Variants in PHIP observed in about 807,000 individuals in gnomAD.
The protein encoded by PHIP is PHIP subunit of CUL4-Ring ligase complex, also known as PH-interacting protein.
Under a neutral mutation model 236.8 loss-of-function variants are expected in PHIP, and 54 were observed. The observed-to-expected ratio is 0.23, with a 90% CI of 0.18 to 0.29. The LOEUF (loss-of-function observed/expected upper bound fraction) is 0.29, where lower values mean the gene tolerates loss of function less well. Among genes scored for constraint, PHIP ranks in the 10% least tolerant of loss-of-function variants. PHIP has a pLI of 1.00. For synonymous variants in PHIP, 756 were observed against 718.9 expected, an observed-to-expected ratio of 1.05 and a Z score of -0.83; for missense variants, 1,370 against 2,190.8, an observed-to-expected ratio of 0.63 and a Z score of 7.48.
At chr6:79,059,572 CAAA>C (rs1172916031) in intron 6 of PHIP, among the ~76,000 whole-genome samples, 1 of 99,010 alleles carries the variant, frequency 1.0e-5, no homozygotes, top group East Asian at 2.6e-4. Flanking sequence ...TAAAAGGAAA[CAAA>C]AAGTTGAAAG....
chr6:78,993,338 C>G (rs559649365), intron 19 of PHIP, among the ~76,000 whole-genome samples: 27 of 152,342 alleles, frequency 1.8e-4, no homozygotes, highest in Non-Finnish European at 3.7e-4. Flanking sequence ...TCACTGAAGA[C>G]AGTAGCTACA....
chr6:79,061,638 A>G (rs562990921), intron 4 of PHIP, among the ~76,000 whole-genome samples: 8 of 152,288 alleles, frequency 5.3e-5, no homozygotes, highest in African/African-American at 1.7e-4. Context: ...GTTTATTAGT[A>G]TTATTTAATA....
intron 24 of PHIP, among the ~76,000 whole-genome samples, chr6:78,975,451 T>C (rs1288383479): frequency 6.6e-6 from 1 of 152,202 alleles, no homozygotes; most frequent in Non-Finnish European, 1.5e-5. Flanking sequence ...GCATTCCCTT[T>C]GAAAACTGGC....
In PHIP at chr6:78,946,192, GTAGAGAA is replaced by G. The variant is rs1330989882; in HGVS notation, c.4432_4438del (p.Phe1478HisfsTer15). The stretch of plus-strand genomic sequence containing the variant: ...TCTTGGCGGTATTGATCGTGTAGGT[GTAGAGAA>G]TGCAGAGGTAGAGCTTTCTGATTTT... On this transcript the variant is annotated frameshift_variant, in exon 38 of 40. Coordinates refer to ENST00000275034, the MANE Select transcript of PHIP (RefSeq NM_017934.7). LOFTEE classifies it high-confidence loss of function. 6.2e-7 allele frequency: 1 copy of G among 1,613,124 alleles called. No homozygotes were observed. Among genetic ancestry groups the G allele is most frequent in the Non-Finnish European group, 8.5e-7 (1 of 1,179,190 alleles).
At chr6:79,044,202 T>G (rs979252181) in intron 6 of PHIP, among the ~76,000 whole-genome samples, 1 of 152,128 alleles carries the variant, frequency 6.6e-6, no homozygotes, top group Non-Finnish European at 1.5e-5. Flanking sequence ...TATGCTTATA[T>G]GTTCTTTCAT....
intron 9 of PHIP, among the ~76,000 whole-genome samples, chr6:79,024,934 T>C (rs1340964245): frequency 6.6e-6 from 1 of 152,228 alleles, no homozygotes; most frequent in East Asian, 1.9e-4. Flanking sequence ...ATTTAACCAT[T>C]TCAGTGCCCT....
intron 24 of PHIP, 120 bp downstream of exon 24, chr6:78,978,472 T>C (rs1768273827): frequency 7.8e-6 from 5 of 639,868 alleles, no homozygotes; most frequent in African/African-American, 1.8e-5. Context: ...TAGATACAAA[T>C]ATCTAGAATG....
At chr6:79,007,609 T>C (rs67073459) in intron 15 of PHIP, among the ~76,000 whole-genome samples, 15,963 of 151,298 alleles carry the variant, frequency 0.11, 876 homozygotes, top group Middle Eastern at 0.19. Flanking sequence ...ACCATCCTCT[T>C]CTAGAGTTAT....
At chr6:79,003,017 A>T (rs2095764110) in intron 16 of PHIP, among the ~76,000 whole-genome samples, 1 of 152,050 alleles carries the variant, frequency 6.6e-6, no homozygotes, top group Admixed American at 6.6e-5. Context: ...ATTATAAACT[A>T]CTCAATATTT....
chr6:78,986,378 CCAATAA>C (rs1388456592), intron 21 of PHIP, among the ~76,000 whole-genome samples: 1 of 152,170 alleles, frequency 6.6e-6, no homozygotes, highest in Non-Finnish European at 1.5e-5. Context: ...ACTTTATGCT[CCAATAA>C]CAATAACACC....
At chr6:79,009,261 A>G (rs1443019910) in intron 15 of PHIP, among the ~76,000 whole-genome samples, 3 of 152,116 alleles carry the variant, frequency 2.0e-5, no homozygotes, top group Non-Finnish European at 4.4e-5. Flanking sequence ...ATCTACTGCA[A>G]TCAAGCTTCC....
chr6:79,048,771 G>C (rs1052717802), intron 6 of PHIP, among the ~76,000 whole-genome samples: 1 of 152,096 alleles, frequency 6.6e-6, no homozygotes, highest in Admixed American at 6.6e-5. Flanking sequence ...AGAAATGGAG[G>C]ACCACAAAAA....
At position 78,940,555 on chromosome 6, in the gene PHIP, T is replaced by TTTTTTGTTTGTTTTG; in HGVS notation, c.*137_*138insCAAAACAAACAAAAA. The TTTTTTGTTTGTTTTG allele has an allele frequency of 5.7e-6, 1 of 176,842 alleles. No individual in the cohort carries two copies. The highest frequency in any genetic ancestry group is 2.3e-4 in the South Asian group (1 of 4,444). 11.0% of individuals were successfully genotyped at this position (176,842 alleles called of 1,614,324 possible). The stretch of plus-strand genomic sequence containing the variant: ...GAAGTGTCTCGTAAGTTTGTTTTTT[T>TTTTTTGTTTGTTTTG]TTTTTTTTTTTTTTTTGCAAATCAA... On this transcript the variant is annotated 3_prime_UTR_variant, in exon 40 of 40. Transcript: ENST00000275034.
At chr6:78,963,960 C>A (rs1766961248) in intron 29 of PHIP, among the ~76,000 whole-genome samples, 1 of 152,094 alleles carries the variant, frequency 6.6e-6, no homozygotes, top group South Asian at 2.1e-4. Context: ...AATAGAACAA[C>A]AACAGTAACC....
rs1582132397 is a variant in PHIP, at chr6:78,970,286, T to C, written c.2998-113A>G. 1.1e-5 allele frequency: 9 copies of C among 823,486 alleles called. 1 individual carries two copies. The highest frequency in any genetic ancestry group is 5.2e-5 in the South Asian group (3 of 57,988). 51.0% of individuals were successfully genotyped at this position (823,486 alleles called of 1,614,324 possible). A position where few individuals can be genotyped will look rare whatever the true frequency, so the allele number is the denominator to read the frequency against. On this transcript the variant is annotated intron_variant, in intron 25 of 39. Transcript: ENST00000275034. ...GTTTAAATCTTGATCTGGATGGTGA[T>C]GACTGTGTACATGTAAAAATTCACT...
chr6:78,958,678 C>T (rs1766580758), intron 31 of PHIP, 78 bp from the exon 32 acceptor site: 1 of 884,340 alleles, frequency 1.1e-6, no homozygotes, highest in Non-Finnish European at 1.8e-6. Flanking sequence ...CCAAGACATT[C>T]CAACTTTTCA....
At chr6:79,002,231 T>C (rs1770041621) in intron 16 of PHIP, 107 bp from the exon 17 acceptor site, 2 of 670,418 alleles carry the variant, frequency 3.0e-6, no homozygotes, top group Admixed American at 2.8e-5. Context: ...ATACGAATAA[T>C]GGTATTAAGC....
At chr6:78,955,073 G>T in intron 34 of PHIP, 110 bp from the exon 35 acceptor site, 1 of 919,238 alleles carries the variant, frequency 1.1e-6, no homozygotes. Context: ...TCAAACAAAA[G>T]AAAATATTCA....
rs1215480202 is a variant in PHIP at position 78,936,897 on chromosome 6, G to A, written c.*3796C>T. 6.6e-6 allele frequency: 1 copy of A among 151,734 alleles called. No homozygotes were observed. The highest frequency in any genetic ancestry group is 1.5e-5 in the Non-Finnish European group (1 of 67,710). The allele number at this position is 151,734 out of a possible 1,614,324, so 9.4% of individuals were successfully genotyped here. A position where few individuals can be genotyped will look rare whatever the true frequency, so the allele number is the denominator to read the frequency against. On this transcript the variant is annotated 3_prime_UTR_variant, in exon 40 of 40. Coordinates refer to ENST00000275034, the MANE Select transcript of PHIP (RefSeq NM_017934.7). ...TTAGTTCAGATCACTTGGAAATTAG[G>A]GGAACTAAGGGAAACTGCAAGGGTA... is the stretch of plus-strand genomic sequence containing the variant.
Sources: gnomAD v4.1 joint callset for allele counts (sites outside exome capture counted in the v4.1 genomes callset) on GRCh38, gnomAD v4.1.1 for gene constraint, MANE v1.5 for transcripts, NCBI Gene and HGNC (gene_info 2026-07-23, HGNC 2026-07-21) for gene names.